SYNPR: variants seen among roughly 807,000 people sequenced by gnomAD.
SYNPR encodes the protein synaptoporin.
SYNPR carries 23 observed loss-of-function variants against 32.9 expected under a neutral mutation model. That is an observed-to-expected ratio of 0.70 (90% CI 0.50 to 0.99). SYNPR has a LOEUF of 0.99. Ranked by LOEUF, SYNPR falls within the 50% of genes least tolerant of loss-of-function variation. SYNPR has a pLI of 0.00. For synonymous variants in SYNPR, 146 were observed against 135.9 expected, an observed-to-expected ratio of 1.07 and a Z score of -0.52; for missense variants, 318 against 349.3, an observed-to-expected ratio of 0.91 and a Z score of 0.71.
intron 2 of SYNPR, among the ~76,000 whole-genome samples, chr3:63,475,404 G>C (rs1487773635): frequency 1.3e-5 from 2 of 152,168 alleles, no homozygotes; most frequent in Admixed American, 6.5e-5. Context: ...TGCTTTGTTT[G>C]AGGAGTATCA....
chr3:63,370,842 G>C (rs1052638554), intron 2 of SYNPR, among the ~76,000 whole-genome samples: 17 of 152,160 alleles, frequency 1.1e-4, no homozygotes, highest in Non-Finnish European at 4.4e-5. Flanking sequence ...TACTGAGTTA[G>C]AGAAAGACCC....
Position 63,243,333 on chromosome 3 carries a change from C to T in SYNPR, n.67-9166C>T, listed in dbSNP as rs140649724. Among the ~76,000 whole-genome samples, 578 of 152,010 alleles carry T rather than the reference C, an allele frequency of 3.8e-3. 2 individuals carry two copies. The highest frequency in any genetic ancestry group is 0.013 in the African/African-American group (520 of 41,510). ...TTTTAAGGCTACCAAAATTAAAAGA[C>T]ATATTTCTACAAAAGAATGATTGTT... On this transcript the variant is annotated intron_variant and non_coding_transcript_variant, in intron 1 of 4. Coordinates refer to the SYNPR transcript ENST00000478456.
chr3:63,217,700 G>C, the SYNPR span, among the ~76,000 whole-genome samples: 1 of 152,076 alleles, frequency 6.6e-6, no homozygotes, highest in Non-Finnish European at 1.5e-5. Flanking sequence ...CTGTAGACCG[G>C]AGCTGTTCCT....
chr3:63,205,199 A>T, the SYNPR span, among the ~76,000 whole-genome samples: 1 of 152,232 alleles, frequency 6.6e-6, no homozygotes, highest in Non-Finnish European at 1.5e-5. Context: ...TTTCACAGAC[A>T]GGGGCCATGT....
intron 2 of SYNPR, among the ~76,000 whole-genome samples, chr3:63,429,151 C>T (rs562962086): frequency 2.6e-5 from 4 of 152,108 alleles, no homozygotes; most frequent in South Asian, 4.2e-4. Context: ...ATAATCCTGC[C>T]GGTGTAACAA....
At chr3:63,228,471 G>C (rs1575570129) in intron 1 of SYNPR, 1 of 152,132 alleles carries the variant, frequency 6.6e-6, no homozygotes, top group East Asian at 1.9e-4. Context: ...ACAATTAATT[G>C]AGTTTGCTTC....
intron 2 of SYNPR, among the ~76,000 whole-genome samples, chr3:63,419,531 A>G (rs1365817580): frequency 6.6e-6 from 1 of 152,222 alleles, no homozygotes; most frequent in Admixed American, 6.5e-5. Flanking sequence ...CCCACAAAAT[A>G]TAAAGTTTTT....
At chr3:63,480,639 C>T (rs1701027972) in intron 2 of SYNPR, among the ~76,000 whole-genome samples, 193 bp from the exon 3 acceptor site, 4 of 152,146 alleles carry the variant, frequency 2.6e-5, no homozygotes, top group Admixed American at 6.5e-5. Context: ...ACTTGCCAGA[C>T]AATTATTTTA....
At chr3:63,377,668 G>A (rs1234239932) in intron 2 of SYNPR, among the ~76,000 whole-genome samples, 2 of 151,876 alleles carry the variant, frequency 1.3e-5, no homozygotes, top group Non-Finnish European at 2.9e-5. Context: ...CAATTCTCTA[G>A]AAAATTGGGA....
intron 3 of SYNPR, among the ~76,000 whole-genome samples, chr3:63,505,592 C>G (rs1378099381): frequency 6.6e-6 from 1 of 152,136 alleles, no homozygotes; most frequent in African/African-American, 2.4e-5. Context: ...GCTTTTGCAG[C>G]TTGAAGGTTG....
intron 2 of SYNPR, among the ~76,000 whole-genome samples, chr3:63,425,213 G>C (rs533863672): frequency 6.6e-6 from 1 of 152,250 alleles, no homozygotes; most frequent in South Asian, 2.1e-4. Flanking sequence ...TTCACATTTT[G>C]GGGGGAAATG....
intron 3 of SYNPR, among the ~76,000 whole-genome samples, chr3:63,553,768 C>A (rs1702543816): frequency 6.6e-6 from 1 of 152,308 alleles, no homozygotes; most frequent in South Asian, 2.1e-4. Context: ...GTTGCCCAGG[C>A]TGGAGTGCAA....
At chr3:63,446,620 A>T (rs1406383989) in intron 2 of SYNPR, among the ~76,000 whole-genome samples, 1 of 152,202 alleles carries the variant, frequency 6.6e-6, no homozygotes, top group Non-Finnish European at 1.5e-5. Flanking sequence ...CTAGTCATAA[A>T]GTGAGCCTGT....
intron 3 of SYNPR, among the ~76,000 whole-genome samples, chr3:63,513,150 C>G (rs1251004384): frequency 7.1e-6 from 1 of 140,838 alleles, no homozygotes; most frequent in Non-Finnish European, 1.5e-5. Context: ...CCACATATCC[C>G]CCCCTCCCCC....
At chr3:63,371,465 G>T (rs1347519115) in intron 2 of SYNPR, among the ~76,000 whole-genome samples, 2 of 152,236 alleles carry the variant, frequency 1.3e-5, no homozygotes, top group East Asian at 1.9e-4. Flanking sequence ...GCAGGATAAG[G>T]CCCACTGGCC....
intron 3 of SYNPR, among the ~76,000 whole-genome samples, chr3:63,534,488 T>C (rs1174409787): frequency 1.3e-5 from 2 of 152,194 alleles, no homozygotes; most frequent in Non-Finnish European, 2.9e-5. Flanking sequence ...CTCTTACTAA[T>C]GCTAATCATT....
chr3:63,532,316 CTTAGAGGTTA>C (rs1200781453), intron 3 of SYNPR, among the ~76,000 whole-genome samples: 6 of 152,170 alleles, frequency 3.9e-5, no homozygotes, highest in Non-Finnish European at 8.8e-5. Flanking sequence ...TTCCTAATGT[CTTAGAGGTTA>C]TCAGCATGAA....
chr3:63,373,232 G>T (rs1216132345), intron 2 of SYNPR, among the ~76,000 whole-genome samples: 1 of 152,084 alleles, frequency 6.6e-6, no homozygotes, highest in Admixed American at 6.6e-5. Flanking sequence ...AGGCTGAAAT[G>T]GCTGAAATGA....
At chr3:63,413,660 G>A (rs1047581101) in intron 2 of SYNPR, among the ~76,000 whole-genome samples, 5 of 152,142 alleles carry the variant, frequency 3.3e-5, no homozygotes, top group African/African-American at 4.8e-5. Context: ...GCAACACTCT[G>A]CATACTTTTG....
Sources: allele counts gnomAD v4.1 joint callset (sites outside exome capture counted in the v4.1 genomes callset), GRCh38; gene constraint gnomAD v4.1.1; transcripts MANE v1.5; gene names NCBI Gene and HGNC (gene_info 2026-07-23, HGNC 2026-07-21).